The following TAFA1 variants were observed in gnomAD, a reference collection of about 807,000 sequenced individuals.
The protein encoded by TAFA1 is TAFA chemokine like family member 1, also known as chemokine-like protein TAFA-1.
In TAFA1, 4 loss-of-function variants were observed where a neutral mutation model predicts 18.5. That is an observed-to-expected ratio of 0.22 (90% CI 0.11 to 0.49). The LOEUF is 0.49. TAFA1 is among the 20% of genes least tolerant of loss of function. The pLI is 0.98. For synonymous variants in TAFA1, 56 were observed against 55.2 expected, an observed-to-expected ratio of 1.01 and a Z score of -0.06; for missense variants, 147 against 169.0, an observed-to-expected ratio of 0.87 and a Z score of 0.72.
chr3:68,081,905 T>C (rs1400441070), intron 2 of TAFA1, among the ~76,000 whole-genome samples: 1 of 152,170 alleles, frequency 6.6e-6, no homozygotes, highest in African/African-American at 2.4e-5. Flanking sequence ...GGCGCCCCTC[T>C]CCCAGCCTCG....
At chr3:68,343,041 G>A (rs1036098846) in intron 2 of TAFA1, among the ~76,000 whole-genome samples, 4 of 152,056 alleles carry the variant, frequency 2.6e-5, no homozygotes, top group African/African-American at 9.7e-5. Context: ...TGTAGGGGTG[G>A]GTGAGGATCT....
intron 3 of TAFA1, among the ~76,000 whole-genome samples, chr3:68,463,519 A>G (rs953776240): frequency 1.3e-5 from 2 of 152,006 alleles, no homozygotes; most frequent in African/African-American, 4.8e-5. Flanking sequence ...ATCCGCCCCC[A>G]CTTATCCTTG....
chr3:68,453,533 G>A (rs751154010), intron 3 of TAFA1, among the ~76,000 whole-genome samples: 1 of 152,086 alleles, frequency 6.6e-6, no homozygotes, highest in Non-Finnish European at 1.5e-5. Context: ...GATGGAAAAT[G>A]CAAATACAAA....
intron 2 of TAFA1, among the ~76,000 whole-genome samples, chr3:68,066,898 C>G (rs1408277021): frequency 1.3e-5 from 2 of 152,146 alleles, no homozygotes; most frequent in Non-Finnish European, 2.9e-5. Flanking sequence ...CTCTATTTCT[C>G]TGTCAGGGTG....
intron 2 of TAFA1, chr3:68,145,085 C>T (rs1575643115): frequency 2.0e-6 from 3 of 1,480,584 alleles, no homozygotes; most frequent in Non-Finnish European, 2.8e-6. Flanking sequence ...GCTCGAGGCC[C>T]CTGGAGGAAT....
intron 2 of TAFA1, among the ~76,000 whole-genome samples, chr3:68,064,527 C>T (rs1559722894): frequency 2.0e-5 from 3 of 152,254 alleles, no homozygotes; most frequent in Non-Finnish European, 2.9e-5. Flanking sequence ...CTAAATGAGA[C>T]GCGGTGCTCT....
chr3:68,509,346 T>C (rs907833973), intron 3 of TAFA1, among the ~76,000 whole-genome samples: 3 of 152,048 alleles, frequency 2.0e-5, no homozygotes, highest in African/African-American at 7.2e-5. Flanking sequence ...AAAGCAGCTG[T>C]GGAGGTCATT....
the TAFA1 span, among the ~76,000 whole-genome samples, chr3:67,992,655 C>T: frequency 6.6e-6 from 1 of 152,172 alleles, no homozygotes; most frequent in Admixed American, 6.5e-5. Flanking sequence ...AACAAATGGG[C>T]ATGTTTGTAT....
chr3:68,094,974 G>C (rs912570080), intron 2 of TAFA1, among the ~76,000 whole-genome samples: 3 of 152,110 alleles, frequency 2.0e-5, no homozygotes, highest in Non-Finnish European at 4.4e-5. Context: ...ATAACTGTTG[G>C]TAGTTCCAGA....
intron 3 of TAFA1, among the ~76,000 whole-genome samples, chr3:68,455,656 AT>A (rs551249502): frequency 6.8e-5 from 10 of 147,168 alleles, no homozygotes; most frequent in Admixed American, 1.4e-4. Flanking sequence ...TCATCCCCCA[AT>A]TTTTTTTTTG....
rs1349055530 is a variant in TAFA1, at chr3:68,320,000, G to T, written c.119-97280G>T. Among the ~76,000 whole-genome samples, 27 of 152,122 alleles carry T rather than the reference G, an allele frequency of 1.8e-4. 1 individual carries two copies. The highest frequency in any genetic ancestry group is 1.7e-3 in the Admixed American group (26 of 15,266). ...TTCTCCTAAAATGATAATTTTACCTGAATATTTTATGTGCAGTTTGAGTAA... is the reference window on the plus strand; with the variant it reads ...TTCTCCTAAAATGATAATTTTACCTTAATATTTTATGTGCAGTTTGAGTAA... On this transcript the variant is annotated intron_variant, in intron 2 of 4. Transcript: ENST00000478136.
At chr3:68,328,615 G>A (rs975688511) in intron 2 of TAFA1, among the ~76,000 whole-genome samples, 24 of 152,132 alleles carry the variant, frequency 1.6e-4, no homozygotes, top group Non-Finnish European at 3.1e-4. Context: ...GCAGGCTAAC[G>A]TGAGGCATAG....
intron 2 of TAFA1, among the ~76,000 whole-genome samples, chr3:68,124,097 G>A (rs1265890723): frequency 1.3e-5 from 2 of 152,090 alleles, no homozygotes; most frequent in African/African-American, 4.8e-5. Context: ...TAGCCTTCAT[G>A]TATAGAGAGT....
At chr3:68,529,886 A>G (rs2073166651) in intron 3 of TAFA1, among the ~76,000 whole-genome samples, 1 of 152,230 alleles carries the variant, frequency 6.6e-6, no homozygotes, top group Admixed American at 6.5e-5. Flanking sequence ...AAATTTCTAC[A>G]TGAACTCTGG....
At chr3:68,543,623 G>A (rs992636540) in intron 4 of TAFA1, among the ~76,000 whole-genome samples, 6 of 152,140 alleles carry the variant, frequency 3.9e-5, no homozygotes, top group Middle Eastern at 3.4e-3. Flanking sequence ...TCTACCTCTA[G>A]CCTCAGAACA....
intron 2 of TAFA1, chr3:68,247,291 ATTTC>A (rs2067099457): frequency 6.6e-6 from 1 of 151,542 alleles, no homozygotes; most frequent in Non-Finnish European, 1.5e-5. Context: ...TATTTTTCTC[ATTTC>A]TTCTCCTCCT....
intron 3 of TAFA1, among the ~76,000 whole-genome samples, chr3:68,466,039 G>A (rs1176040600): frequency 6.6e-6 from 1 of 152,094 alleles, no homozygotes; most frequent in African/African-American, 2.4e-5. Flanking sequence ...TTTGTTGAGT[G>A]TATCAGGCTT....
chr3:68,200,404 T>C (rs1266853522), intron 2 of TAFA1, among the ~76,000 whole-genome samples: 3 of 151,638 alleles, frequency 2.0e-5, no homozygotes, highest in African/African-American at 2.4e-5. Flanking sequence ...TTGTAAAGAA[T>C]TGATATAACT....
intron 3 of TAFA1, among the ~76,000 whole-genome samples, chr3:68,457,657 C>T (rs563286897): frequency 7.9e-5 from 12 of 152,246 alleles, no homozygotes; most frequent in African/African-American, 2.6e-4. Flanking sequence ...GTGAGAACAC[C>T]TAAAATTTAC....
Sources: gnomAD v4.1 joint callset for allele counts (sites outside exome capture counted in the v4.1 genomes callset) on GRCh38, gnomAD v4.1.1 for gene constraint, MANE v1.5 for transcripts, NCBI Gene and HGNC (gene_info 2026-07-23, HGNC 2026-07-21) for gene names.